The following XYLB variants were observed in gnomAD, a reference collection of about 807,000 sequenced individuals.
XYLB encodes xylulokinase, also known as xylulose kinase.
XYLB carries 62 observed loss-of-function variants against 78.7 expected under a neutral mutation model. The ratio of observed to expected loss-of-function variants is 0.79; its 90% CI spans 0.64 to 0.97. The LOEUF (loss-of-function observed/expected upper bound fraction) is 0.97. Ranked by LOEUF, XYLB falls within the 50% of genes least tolerant of loss-of-function variation. XYLB has a pLI of 0.00. For missense variants in XYLB, 687 were observed against 676.8 expected, an observed-to-expected ratio of 1.02 and a Z score of -0.17; for synonymous variants, 245 against 247.4, an observed-to-expected ratio of 0.99 and a Z score of 0.09.
downstream of XYLB, among the ~76,000 whole-genome samples, chr3:38,416,714 TAGAC>T (rs1426118348): frequency 6.6e-6 from 1 of 151,876 alleles, no homozygotes; most frequent in Non-Finnish European, 1.5e-5. Context: ...CAGGAAAAAA[TAGAC>T]AAGACAATGA....
chr3:38,405,952 G>C lies in XYLB; in HGVS notation c.1533+4967G>C, dbSNP rs551078228. Among the ~76,000 whole-genome samples, 113 of 152,362 alleles carry C rather than the reference G, an allele frequency of 7.4e-4. 2 individuals are homozygous for C. Among genetic ancestry groups the C allele is most frequent in the Admixed American group, 4.6e-3 (70 of 15,302 alleles). Reference sequence around the variant, plus strand: ...TGCCTCTGTAGGCTCCACCTCTGGGGGCAGGGCACAGACAAACAAAAAGAC... The same window carrying C: ...TGCCTCTGTAGGCTCCACCTCTGGGCGCAGGGCACAGACAAACAAAAAGAC... On this transcript the variant is annotated intron_variant, in intron 18 of 18. Coordinates refer to ENST00000207870, the MANE Select transcript of XYLB (RefSeq NM_005108.4).
chr3:38,385,351 C>T (rs1253295972), intron 15 of XYLB, among the ~76,000 whole-genome samples: 1 of 151,834 alleles, frequency 6.6e-6, no homozygotes, highest in Non-Finnish European at 1.5e-5. Context: ...ATTTTTTTTC[C>T]CTTGAGCATG....
chr3:38,385,247 A>C (rs1413350233), intron 15 of XYLB, among the ~76,000 whole-genome samples: 1 of 152,022 alleles, frequency 6.6e-6, no homozygotes, highest in African/African-American at 2.4e-5. Context: ...TGATCCACTC[A>C]TCTTGGCCTC....
rs142487388 is a variant in XYLB at position 38,364,349 on chromosome 3, T to C, written c.292-850T>C. On this transcript the variant is annotated intron_variant, in intron 4 of 18. Transcript: ENST00000207870. ...CTCCAGGTCTCTACCGCAGCCTCCT[T>C]GCCTCCAGCCTACCTTCCCCGTGAC... Among the ~76,000 whole-genome samples the C allele has an allele frequency of 2.9e-3, 443 of 151,962 alleles. 1 individual carries two copies. Among genetic ancestry groups the C allele is most frequent in the African/African-American group, 0.01 (421 of 41,420 alleles).
At chr3:38,438,357 G>C in the XYLB span, among the ~76,000 whole-genome samples, 1 of 152,110 alleles carries the variant, frequency 6.6e-6, no homozygotes, top group African/African-American at 2.4e-5. Context: ...GAAAGAAATT[G>C]AAGAAGACAC....
At chr3:38,378,424 T>C (rs169044) in intron 14 of XYLB, among the ~76,000 whole-genome samples, 93,155 of 152,128 alleles carry the variant, frequency 0.61, 28,744 homozygotes, top group South Asian at 0.67. Context: ...TGAATGAGCA[T>C]GTACATGAAT....
downstream of XYLB, among the ~76,000 whole-genome samples, chr3:38,418,628 C>G (rs555126663): frequency 1.3e-5 from 2 of 152,320 alleles, no homozygotes; most frequent in South Asian, 4.1e-4. Flanking sequence ...AGGAAGATCT[C>G]TATGTACCAA....
downstream of XYLB, among the ~76,000 whole-genome samples, chr3:38,424,520 CTAAATT>C (rs1709063097): frequency 6.6e-6 from 1 of 152,180 alleles, no homozygotes; most frequent in Non-Finnish European, 1.5e-5. Context: ...CCTAGAATAA[CTAAATT>C]TAAACGAATT....
the XYLB span, among the ~76,000 whole-genome samples, chr3:38,432,657 C>T: frequency 1.3e-5 from 2 of 152,194 alleles, no homozygotes; most frequent in Non-Finnish European, 2.9e-5. Flanking sequence ...AACAAAGGGG[C>T]TACAGGCCTC....
chr3:38,377,127 G>A (rs968908219), intron 14 of XYLB, 136 bp downstream of exon 14: 12 of 759,612 alleles, frequency 1.6e-5, no homozygotes, highest in Middle Eastern at 3.6e-4. Context: ...CACTTGTGGT[G>A]TGCCAGGGTG....
intron 2 of XYLB, among the ~76,000 whole-genome samples, chr3:38,351,752 G>A (rs920734513): frequency 2.6e-5 from 4 of 152,134 alleles, no homozygotes; most frequent in African/African-American, 9.7e-5. Flanking sequence ...CTAGAATTTT[G>A]TATAGATGGA....
downstream of XYLB, among the ~76,000 whole-genome samples, chr3:38,422,899 A>T (rs1346026298): frequency 6.6e-6 from 1 of 152,078 alleles, no homozygotes; most frequent in East Asian, 1.9e-4. Context: ...GGCCATTGTT[A>T]AGCCTCCGGA....
chr3:38,411,637 A>T (rs1708591855), intron 18 of XYLB, among the ~76,000 whole-genome samples: 1 of 150,912 alleles, frequency 6.6e-6, no homozygotes, highest in African/African-American at 2.4e-5. Context: ...GTCTTCTTAG[A>T]TAAAGGATTT....
chr3:38,424,501 T>G (rs569660617), downstream of XYLB, among the ~76,000 whole-genome samples: 2 of 152,350 alleles, frequency 1.3e-5, no homozygotes, highest in South Asian at 4.1e-4. Context: ...ATTAACTAAT[T>G]GGATTCTCCC....
chr3:38,375,080 G>A (rs1033900626), intron 11 of XYLB, 64 bp from the exon 12 acceptor site: 64 of 1,344,908 alleles, frequency 4.8e-5, no homozygotes, highest in Middle Eastern at 1.9e-4. Context: ...ACAGCGCGTC[G>A]CTGGCAGAGG....
intron 9 of XYLB, chr3:38,372,351 A>G: frequency 6.1e-6 from 6 of 983,750 alleles, no homozygotes; most frequent in Non-Finnish European, 7.2e-6. Context: ...TGGAGCTTAT[A>G]AAGCAAGCAC....
At chr3:38,398,007 G>A (rs535851468) in intron 17 of XYLB, among the ~76,000 whole-genome samples, 229 of 150,734 alleles carry the variant, frequency 1.5e-3, no homozygotes, top group Middle Eastern at 3.4e-3. Context: ...TTTAGTAGAG[G>A]AGGGGTTTCA....
At chr3:38,418,049 G>T (rs1329653678), downstream of XYLB, among the ~76,000 whole-genome samples, 1 of 151,442 alleles carries the variant, frequency 6.6e-6, no homozygotes, top group Non-Finnish European at 1.5e-5. Context: ...AAAAAAATTA[G>T]GCAGGCGTGG....
chr3:38,400,418 G>C (rs1395281603), intron 17 of XYLB, among the ~76,000 whole-genome samples: 1 of 152,176 alleles, frequency 6.6e-6, no homozygotes, highest in Non-Finnish European at 1.5e-5. Flanking sequence ...GTGCATCTTA[G>C]CTGAGGAGAA....
Sources: gnomAD v4.1 joint callset for allele counts (sites outside exome capture counted in the v4.1 genomes callset) on GRCh38, gnomAD v4.1.1 for gene constraint, MANE v1.5 for transcripts, NCBI Gene and HGNC (gene_info 2026-07-23, HGNC 2026-07-21) for gene names.